MYH15: variants seen among roughly 807,000 people sequenced by gnomAD.
MYH15 encodes the protein myosin heavy chain 15.
A neutral mutation model predicts 240.5 loss-of-function variants in MYH15; 227 were observed. The observed-to-expected ratio is 0.94, with a 90% confidence interval of 0.85 to 1.05. MYH15 has a LOEUF of 1.05. Among genes scored for constraint, MYH15 ranks in the 50% least tolerant of loss-of-function variants. MYH15 has a pLI of 0.00. For synonymous variants in MYH15, 785 were observed against 796.7 expected (o/e 0.99, Z 0.25); for missense variants, 2,217 against 2,247.5 (o/e 0.99, Z 0.27).
At chr3:108,471,301 T>G (rs1485669033) in intron 12 of MYH15, among the ~76,000 whole-genome samples, 2 of 152,162 alleles carry the variant, frequency 1.3e-5, no homozygotes, top group Non-Finnish European at 2.9e-5. Flanking sequence ...AGTGTGATCC[T>G]AAGACCAGCA....
Position 108,421,212 on chromosome 3 carries a change from T to C in MYH15, c.3705A>G (p.Ala1235=). The C allele has an allele frequency of 6.2e-7, 1 of 1,611,710 alleles. No individual in the cohort carries two copies. The highest frequency in any genetic ancestry group is 8.5e-7 in the Non-Finnish European group (1 of 1,179,712). The change falls in exon 28 of 41, where the codon GCA becomes GCG. Residue 1235 remains alanine (A), a splice_region_variant and synonymous_variant. Coordinates refer to ENST00000693548, the MANE Select transcript of MYH15 (RefSeq NM_014981.3). ...ATAGAGTACAGAGTTTCTCAGCATTTGCCTATAAGTTGAGAAAGAAGGGCT... is the reference window on the plus strand; with the variant it reads ...ATAGAGTACAGAGTTTCTCAGCATTCGCCTATAAGTTGAGAAAGAAGGGCT... The part of the protein sequence containing the change: ...TRVEQMTRAK[A]NAEKLCTLYE...
chr3:108,520,253 T>G (rs1009924509), intron 1 of MYH15, among the ~76,000 whole-genome samples: 3 of 152,190 alleles, frequency 2.0e-5, no homozygotes, highest in Non-Finnish European at 4.4e-5. Flanking sequence ...AACTATTCTA[T>G]TCTATGAATA....
At chr3:108,402,408 C>T (rs1002328640) in intron 33 of MYH15, among the ~76,000 whole-genome samples, 3 of 152,174 alleles carry the variant, frequency 2.0e-5, no homozygotes, top group Admixed American at 6.5e-5. Context: ...GGGCTGTAGA[C>T]CAGGGTTGGG....
chr3:108,416,792 AG>A lies in MYH15; in HGVS notation c.3948+19del, dbSNP rs1560338582. On this transcript the variant is annotated intron_variant, in intron 29 of 40. Coordinates refer to ENST00000693548, the MANE Select transcript of MYH15 (RefSeq NM_014981.3). Reference sequence around the variant, plus strand: ...AAAACACACAGTCAAGAAACTAGTGAGAAATAATAGATACATTACTTTGGTC... The same window carrying A: ...AAAACACACAGTCAAGAAACTAGTGAAAATAATAGATACATTACTTTGGTC... 2 of 1,557,544 alleles carry A rather than the reference AG, an allele frequency of 1.3e-6. No individual in the cohort carries two copies. Among genetic ancestry groups the A allele is most frequent in the Non-Finnish European group, 1.8e-6 (2 of 1,135,044 alleles).
At chr3:108,530,386 C>T (rs1419309799), upstream of MYH15, among the ~76,000 whole-genome samples, 1 of 152,050 alleles carries the variant, frequency 6.6e-6, no homozygotes, top group Non-Finnish European at 1.5e-5. Context: ...CTTGAAAAGG[C>T]AAAACATGGA....
intron 35 of MYH15, among the ~76,000 whole-genome samples, chr3:108,396,669 T>C (rs1457615825): frequency 6.6e-6 from 1 of 152,128 alleles, no homozygotes; most frequent in Non-Finnish European, 1.5e-5. Context: ...ATCCAACTCA[T>C]TGTATTTAAA....
At chr3:108,547,550 T>C in the MYH15 span, among the ~76,000 whole-genome samples, 1 of 152,012 alleles carries the variant, frequency 6.6e-6, no homozygotes, top group Non-Finnish European at 1.5e-5. Flanking sequence ...AAAATCAATA[T>C]GCTTAACATG....
intron 40 of MYH15, among the ~76,000 whole-genome samples, 193 bp downstream of exon 40, chr3:108,383,402 T>C (rs1466600102): frequency 6.6e-6 from 1 of 152,220 alleles, no homozygotes; most frequent in African/African-American, 2.4e-5. Flanking sequence ...GTCACTCAAA[T>C]GCTTAGCATT....
At position 108,380,606 on chromosome 3, in the gene MYH15, T is replaced by C. The variant is rs1419130967; in HGVS notation, c.*939A>G. ...CAGGAAAAGCTGATGCTGGTTGCCA[T>C]GGAGCTGCACACACACCTGGCCAGT... On this transcript the variant is annotated 3_prime_UTR_variant, in exon 41 of 41. Transcript: ENST00000693548. 6.6e-6 allele frequency: 1 copy of C among 152,302 alleles called. No homozygotes were observed. The highest frequency in any genetic ancestry group is 1.5e-5 in the Non-Finnish European group (1 of 68,138). The allele number at this position is 152,302 out of a possible 1,614,324, so 9.4% of individuals were successfully genotyped here.
At chr3:108,527,351 A>G (rs2083680502) in intron 1 of MYH15, among the ~76,000 whole-genome samples, 1 of 152,136 alleles carries the variant, frequency 6.6e-6, no homozygotes, top group Non-Finnish European at 1.5e-5. Flanking sequence ...ACCCAGACAG[A>G]CACTGGCATT....
At chr3:108,507,251 AT>A in intron 1 of MYH15, among the ~76,000 whole-genome samples, 1 of 48,886 alleles carries the variant, frequency 2.0e-5, no homozygotes, top group African/African-American at 6.1e-5. Context: ...ATATATATAT[AT>A]ATATATATAT....
intron 16 of MYH15, 51 bp downstream of exon 16, chr3:108,463,060 C>G: frequency 6.4e-7 from 1 of 1,555,766 alleles, no homozygotes; most frequent in Non-Finnish European, 8.6e-7. Flanking sequence ...GCTGAGGCAG[C>G]CATGGGTTCC....
At chr3:108,509,808 C>T (rs2083508399) in intron 1 of MYH15, among the ~76,000 whole-genome samples, 1 of 147,996 alleles carries the variant, frequency 6.8e-6, no homozygotes, top group Admixed American at 6.8e-5. Context: ...AGAACTTAGC[C>T]TTTTTTTTTT....
In MYH15 at chr3:108,405,332, A is replaced by C. The variant is rs1332302774; in HGVS notation, c.4736+6T>G. On this transcript the variant is annotated splice_donor_region_variant and intron_variant, in intron 33 of 40. Transcript: ENST00000693548. ...AATTGTTACACATCAAAATCATCTT[A>C]AATACCTAAAATTTTCTATTTCTTC... The C allele has an allele frequency of 6.9e-7, 1 of 1,456,470 alleles. No homozygotes were observed. The highest frequency in any genetic ancestry group is 2.3e-5 in the East Asian group (1 of 42,700). The allele number at this position is 1,456,470 out of a possible 1,614,324, so 90.2% of individuals were successfully genotyped here.
chr3:108,427,919 G>C (rs771704937), intron 27 of MYH15, among the ~76,000 whole-genome samples: 15 of 152,150 alleles, frequency 9.9e-5, no homozygotes, highest in Admixed American at 3.3e-4. Flanking sequence ...CAAAAGACAG[G>C]GTCGCTGATT....
chr3:108,489,992 A>C (rs1275955286), intron 9 of MYH15, among the ~76,000 whole-genome samples: 1 of 152,248 alleles, frequency 6.6e-6, no homozygotes, highest in Non-Finnish European at 1.5e-5. Context: ...GCCCAAAGGC[A>C]TCAGATGCTT....
upstream of MYH15, among the ~76,000 whole-genome samples, chr3:108,530,685 T>C (rs760411254): frequency 5.9e-5 from 9 of 152,148 alleles, no homozygotes; most frequent in Non-Finnish European, 1.2e-4. Context: ...AGGGGATATA[T>C]GGAAAATCTC....
At chr3:108,388,255 A>G (rs2082398229) in intron 38 of MYH15, among the ~76,000 whole-genome samples, 1 of 152,224 alleles carries the variant, frequency 6.6e-6, no homozygotes, top group Non-Finnish European at 1.5e-5. Flanking sequence ...CCTGGAGGGG[A>G]GAAAAATACA....
intron 38 of MYH15, 40 bp downstream of exon 38, chr3:108,388,930 G>C (rs1380451731): frequency 6.3e-7 from 1 of 1,577,536 alleles, no homozygotes; most frequent in Non-Finnish European, 8.7e-7. Flanking sequence ...CTGCAGGGTA[G>C]TGCCCAGCCA....
Sources: gnomAD v4.1 joint callset for allele counts (sites outside exome capture counted in the v4.1 genomes callset) on GRCh38, gnomAD v4.1.1 for gene constraint, MANE v1.5 for transcripts, NCBI Gene and HGNC (gene_info 2026-07-23, HGNC 2026-07-21) for gene names.